Variants in BICRA observed in about 807,000 individuals in gnomAD.
The protein encoded by BICRA is BRD4 interacting chromatin remodeling complex associated protein.
Under a neutral mutation model 96.9 loss-of-function variants are expected in BICRA, and 31 were observed. That is an observed-to-expected ratio of 0.32 (90% CI 0.24 to 0.43). BICRA has a LOEUF of 0.43. Ranked by LOEUF, BICRA falls within the 20% of genes least tolerant of loss-of-function variation. BICRA has a pLI of 1.00. For synonymous variants in BICRA, 1,350 were observed against 1,071.8 expected, an observed-to-expected ratio of 1.26 and a Z score of -5.07; for missense variants, 2,283 against 2,190.3, an observed-to-expected ratio of 1.04 and a Z score of -0.84.
chr19:47,677,325 G>A (rs1972956583), intron 5 of BICRA, among the ~76,000 whole-genome samples: 1 of 152,150 alleles, frequency 6.6e-6, no homozygotes, highest in South Asian at 2.1e-4. Flanking sequence ...TTGTTTGTGG[G>A]GCTTTCCACA....
At chr19:47,682,817 G>C (rs910684755) in intron 7 of BICRA, among the ~76,000 whole-genome samples, 3 of 152,068 alleles carry the variant, frequency 2.0e-5, no homozygotes, top group African/African-American at 7.2e-5. Context: ...AGTTACAGGT[G>C]CCCGCCACCA....
intron 1 of BICRA, among the ~76,000 whole-genome samples, chr19:47,658,623 C>A (rs548380257): frequency 1.6e-5 from 2 of 124,288 alleles, no homozygotes; most frequent in East Asian, 2.2e-4. Context: ...CAGAATGAGA[C>A]TTCGTCTCAA....
rs575042289 is a variant in BICRA, at chr19:47,624,796, C to T, written c.-108+15628C>T. On this transcript the variant is annotated intron_variant, in intron 1 of 14. Transcript: ENST00000594866. ...CCTGTCTTGACCTCCCAGGCTCAAG[C>T]GTTCCTCCAACCTCAGCTACCCGAG... is the stretch of plus-strand genomic sequence containing the variant. Among the ~76,000 whole-genome samples the T allele has an allele frequency of 4.0e-5, 6 of 151,790 alleles. No homozygotes were observed. In the South Asian group the frequency reaches 1.0e-3, roughly 26 times the overall value.
intron 1 of BICRA, among the ~76,000 whole-genome samples, chr19:47,633,533 G>A (rs745591781): frequency 1.6e-4 from 25 of 152,024 alleles, no homozygotes; most frequent in Non-Finnish European, 2.8e-4. Flanking sequence ...GGCCTAATAG[G>A]CAACAGCCAG....
At position 47,613,315 on chromosome 19, in the gene BICRA, C is replaced by CTCAA. The variant is rs769830672; in HGVS notation, c.-108+4148_-108+4149insCAAT. On this transcript the variant is annotated intron_variant, in intron 1 of 14. Coordinates refer to ENST00000594866, the MANE Select transcript of BICRA (RefSeq NM_001394372.1). ...TCTCAACCCCCACCCGCCAGGCTGC[C>CTCAA]TTGACTCCAGGTCTCAAGAATGCAG... Among the ~76,000 whole-genome samples the CTCAA allele has an allele frequency of 1.4e-3, 208 of 152,306 alleles. 1 individual carries two copies. Among genetic ancestry groups the CTCAA allele is most frequent in the Admixed American group, 2.4e-3 (37 of 15,306 alleles).
At chr19:47,665,112 C>T (rs1367878199) in intron 1 of BICRA, among the ~76,000 whole-genome samples, 1 of 151,866 alleles carries the variant, frequency 6.6e-6, no homozygotes, top group Non-Finnish European at 1.5e-5. Flanking sequence ...CTCCAGCACC[C>T]TCCCTGGCTG....
At chr19:47,648,909 T>G (rs1214825490) in intron 1 of BICRA, among the ~76,000 whole-genome samples, 3 of 151,294 alleles carry the variant, frequency 2.0e-5, no homozygotes, top group African/African-American at 7.3e-5. Flanking sequence ...TGGAGTGCAG[T>G]GGCACGATCT....
intron 1 of BICRA, among the ~76,000 whole-genome samples, chr19:47,646,252 G>T (rs775045309): frequency 2.6e-5 from 4 of 152,338 alleles, no homozygotes; most frequent in Non-Finnish European, 5.9e-5. Flanking sequence ...CCAGACCTGG[G>T]ATTTCTGCCT....
intron 1 of BICRA, among the ~76,000 whole-genome samples, chr19:47,654,984 AT>A (rs2123553637): frequency 6.6e-6 from 1 of 152,128 alleles, no homozygotes; most frequent in South Asian, 2.1e-4. Context: ...ATATTTGCAG[AT>A]TTCATCTAAT....
intron 1 of BICRA, among the ~76,000 whole-genome samples, chr19:47,638,949 C>T (rs1972342323): frequency 6.6e-6 from 1 of 152,120 alleles, no homozygotes; most frequent in Non-Finnish European, 1.5e-5. Flanking sequence ...GCCACCATGC[C>T]CTGCCAACAG....
chr19:47,624,093 C>T (rs1200832216), intron 1 of BICRA, among the ~76,000 whole-genome samples: 5 of 152,056 alleles, frequency 3.3e-5, no homozygotes, highest in Non-Finnish European at 5.9e-5. Flanking sequence ...TCAGATGATC[C>T]GCCCACCTCT....
At chr19:47,609,971 G>C (rs1467882746) in intron 1 of BICRA, among the ~76,000 whole-genome samples, 6 of 152,214 alleles carry the variant, frequency 3.9e-5, no homozygotes, top group Non-Finnish European at 7.4e-5. Flanking sequence ...CGGGGGTGGG[G>C]GGGGTGAGCG....
At chr19:47,685,784 T>TGTGTGC (rs1555790113) in intron 7 of BICRA, among the ~76,000 whole-genome samples, 1 of 115,434 alleles carries the variant, frequency 8.7e-6, no homozygotes, top group Non-Finnish European at 1.7e-5. Context: ...TGTGTGTGTG[T>TGTGTGC]GTGCGCGCGC....
intron 1 of BICRA, among the ~76,000 whole-genome samples, chr19:47,629,124 C>T (rs1972182328): frequency 1.3e-5 from 2 of 152,162 alleles, no homozygotes. Context: ...GCCTCAGCCT[C>T]CCAAGTAGCT....
At chr19:47,644,978 G>C (rs184187900) in intron 1 of BICRA, among the ~76,000 whole-genome samples, 171 of 152,278 alleles carry the variant, frequency 1.1e-3, no homozygotes, top group Non-Finnish European at 1.8e-3. Context: ...GGAATGACAC[G>C]AACGTGCATT....
chr19:47,610,631 A>T (rs114931478), intron 1 of BICRA, among the ~76,000 whole-genome samples: 2 of 144,200 alleles, frequency 1.4e-5, no homozygotes, highest in Non-Finnish European at 3.0e-5. Flanking sequence ...ACACACACCT[A>T]CCTACCCACC....
At position 47,694,906 on chromosome 19, in the gene BICRA, T is replaced by C; in HGVS notation, c.2902T>C (p.Ser968Pro). Residue 968 changes from serine (S) to proline (P), a missense_variant, in exon 9 of 15, where the codon TCC (serine) becomes CCC (proline). Transcript: ENST00000594866. ...ALLERFHQVP[S>P]GIILQNKAGG... ...CCACCTGTCCCCTCCTCAGGTGCCG[T>C]CCGGAATCATCCTCCAGAACAAGGC... The C allele has an allele frequency of 6.6e-7, 1 of 1,514,190 alleles. No individual in the cohort carries two copies. Among genetic ancestry groups the C allele is most frequent in the Non-Finnish European group, 8.8e-7 (1 of 1,138,292 alleles). 93.8% of individuals were successfully genotyped at this position (1,514,190 alleles called of 1,614,324 possible).
chr19:47,682,064 AC>A lies in BICRA; in HGVS notation c.2198del (p.Pro733GlnfsTer36). On this transcript the variant is annotated frameshift_variant, in exon 7 of 15. Transcript: ENST00000594866. LOFTEE classifies it high-confidence loss of function. ...GTCAGCGCCCCGCCTCCCGCCCAAG[AC>A]CCAGCCCCAGCCACCCCCGTCGCCA... ...VIVSAPPPAQ[D>X]PAPATPVAKG... is the part of the protein sequence containing the mutation. 6.5e-7 allele frequency: 1 copy of A among 1,527,256 alleles called. No individual in the cohort carries two copies. Among genetic ancestry groups the A allele is most frequent in the Non-Finnish European group, 8.9e-7 (1 of 1,127,660 alleles). 94.6% of individuals were successfully genotyped at this position (1,527,256 alleles called of 1,614,324 possible). A position where few individuals can be genotyped will look rare whatever the true frequency, so the allele number is the denominator to read the frequency against.
chr19:47,686,475 C>T (rs1178347478), intron 7 of BICRA, among the ~76,000 whole-genome samples: 1 of 152,058 alleles, frequency 6.6e-6, no homozygotes, highest in East Asian at 1.9e-4. Flanking sequence ...CCTCCACCTC[C>T]CAGGTTCAAG....
Sources: allele counts gnomAD v4.1 joint callset (sites outside exome capture counted in the v4.1 genomes callset), GRCh38; gene constraint gnomAD v4.1.1; transcripts MANE v1.5; gene names NCBI Gene and HGNC (gene_info 2026-07-23, HGNC 2026-07-21).